TMEM132B: variants seen among roughly 807,000 people sequenced by gnomAD.
TMEM132B encodes transmembrane protein 132B.
TMEM132B carries 18 observed loss-of-function variants against 90.8 expected under a neutral mutation model. That is an observed-to-expected ratio of 0.20 (90% confidence interval 0.14 to 0.29). TMEM132B has a LOEUF of 0.29. Among genes scored for constraint, TMEM132B ranks in the 10% least tolerant of loss-of-function variants. The probability of loss-of-function intolerance (pLI) is 1.00; values close to 1 mark genes in which losing one functional copy is unlikely to be tolerated. For missense variants in TMEM132B, 1,096 were observed against 1,326.8 expected, an observed-to-expected ratio of 0.83 and a Z score of 2.70; for synonymous variants, 504 against 523.3, an observed-to-expected ratio of 0.96 and a Z score of 0.50.
intron 1 of TMEM132B, among the ~76,000 whole-genome samples, chr12:125,216,887 C>T (rs757910727): frequency 5.9e-5 from 9 of 152,216 alleles, no homozygotes; most frequent in South Asian, 2.1e-4. Context: ...CTCCATTATC[C>T]GCATGCCTCC....
intron 3 of TMEM132B, among the ~76,000 whole-genome samples, chr12:125,478,638 G>A (rs866235283): frequency 2.0e-5 from 3 of 152,170 alleles, no homozygotes; most frequent in Non-Finnish European, 2.9e-5. Flanking sequence ...CGTCTGATTC[G>A]TGTATCTGAA....
At chr12:125,470,304 C>T (rs545502456) in intron 3 of TMEM132B, among the ~76,000 whole-genome samples, 3 of 152,326 alleles carry the variant, frequency 2.0e-5, no homozygotes, top group East Asian at 1.9e-4. Flanking sequence ...TGGGCCTGGC[C>T]GTCTCTGGCC....
chr12:125,645,317 T>A (rs1410820597), intron 6 of TMEM132B, among the ~76,000 whole-genome samples: 1 of 151,882 alleles, frequency 6.6e-6, no homozygotes, highest in Non-Finnish European at 1.5e-5. Context: ...ATTTTACAGA[T>A]GTAACTACAA....
At position 125,349,439 on chromosome 12, in the gene TMEM132B, C is replaced by T; in HGVS notation, c.68-13C>T. 6.3e-7 allele frequency: 1 copy of T among 1,585,910 alleles called. No homozygotes were observed. The highest frequency in any genetic ancestry group is 8.6e-7 in the Non-Finnish European group (1 of 1,166,626). On this transcript the variant is annotated splice_polypyrimidine_tract_variant and intron_variant, in intron 1 of 8. Transcript: ENST00000682704. The surrounding 1 kb of genome is among the most constrained non-coding windows in gnomAD (Gnocchi z 4.1). ...AACACGGTTTTATTCTTTTGCTTTCCTTTCTTGTGCAGTGACAGAGAGTCG... is the reference window on the plus strand; with the variant it reads ...AACACGGTTTTATTCTTTTGCTTTCTTTTCTTGTGCAGTGACAGAGAGTCG...
chr12:125,612,203 C>T (rs185404947), intron 5 of TMEM132B, among the ~76,000 whole-genome samples: 95 of 152,142 alleles, frequency 6.2e-4, no homozygotes, highest in African/African-American at 2.2e-3. Flanking sequence ...AGGCCAGGCA[C>T]GGTGGCTCAC....
intron 3 of TMEM132B, among the ~76,000 whole-genome samples, chr12:125,487,520 G>A (rs1176150687): frequency 6.6e-6 from 1 of 152,164 alleles, no homozygotes; most frequent in Non-Finnish European, 1.5e-5. Flanking sequence ...TCTGTCCTAT[G>A]TCTATGTCAT....
chr12:125,425,678 G>T (rs1469892281), intron 3 of TMEM132B, among the ~76,000 whole-genome samples: 1 of 152,116 alleles, frequency 6.6e-6, no homozygotes, highest in Non-Finnish European at 1.5e-5. Flanking sequence ...TTTCCAGAAT[G>T]TCGTATAGTT....
intron 1 of TMEM132B, among the ~76,000 whole-genome samples, chr12:125,286,443 C>T (rs1875359203): frequency 1.3e-5 from 2 of 152,164 alleles, no homozygotes; most frequent in Admixed American, 6.5e-5. Flanking sequence ...ACTCTGGGTT[C>T]TTCAAGGATC....
intron 1 of TMEM132B, among the ~76,000 whole-genome samples, chr12:125,235,802 C>CTTTTTTT (rs61643412): frequency 3.7e-5 from 4 of 107,400 alleles, no homozygotes; most frequent in African/African-American, 1.1e-4. Context: ...CACTTCATTC[C>CTTTTTTT]TTTTTTTTTT....
At chr12:125,318,116 C>T (rs1017575553) in intron 1 of TMEM132B, among the ~76,000 whole-genome samples, 2 of 152,096 alleles carry the variant, frequency 1.3e-5, no homozygotes, top group African/African-American at 4.8e-5. Flanking sequence ...GAGTACAATG[C>T]TATTTATATA....
At chr12:125,543,911 C>A (rs779123711) in intron 4 of TMEM132B, among the ~76,000 whole-genome samples, 5 of 151,044 alleles carry the variant, frequency 3.3e-5, no homozygotes, top group African/African-American at 4.8e-5. Context: ...ATGTTCACTG[C>A]AGCACTATTT....
intron 1 of TMEM132B, among the ~76,000 whole-genome samples, chr12:125,218,780 T>TA (rs1565977438): frequency 1.3e-5 from 2 of 150,248 alleles, no homozygotes; most frequent in African/African-American, 4.9e-5. Flanking sequence ...TTTTTTTTTT[T>TA]TTTTTTTTTT....
At chr12:125,480,575 T>G (rs988688177) in intron 3 of TMEM132B, among the ~76,000 whole-genome samples, 3 of 152,190 alleles carry the variant, frequency 2.0e-5, no homozygotes, top group African/African-American at 7.2e-5. Flanking sequence ...GTTGAATTGC[T>G]GAATAGACCA....
rs1270079562 is a variant in TMEM132B at position 125,656,958 on chromosome 12, C to G, written c.*2248C>G. On this transcript the variant is annotated 3_prime_UTR_variant, in exon 9 of 9. Transcript: ENST00000682704. ...GGTCCTGCCCACTGGTAAAGTGAGACGTTGGGTAGGGGGTGTAACTGGGGA... is the reference window on the plus strand; with the variant it reads ...GGTCCTGCCCACTGGTAAAGTGAGAGGTTGGGTAGGGGGTGTAACTGGGGA... 20 of 152,160 alleles carry G rather than the reference C, an allele frequency of 1.3e-4. No individual in the cohort carries two copies. Among genetic ancestry groups the G allele is most frequent in the Admixed American group, 1.3e-3 (20 of 15,278 alleles). The allele number at this position is 152,160 out of a possible 1,614,324, so 9.4% of individuals were successfully genotyped here. A position where few individuals can be genotyped will look rare whatever the true frequency, so the allele number is the denominator to read the frequency against.
intron 6 of TMEM132B, among the ~76,000 whole-genome samples, chr12:125,647,682 G>A (rs1261647019): frequency 2.0e-5 from 3 of 152,120 alleles, no homozygotes; most frequent in Non-Finnish European, 4.4e-5. Context: ...CCTTTAAAGG[G>A]TGGCTAATGG....
chr12:125,387,095 C>A (rs1878858706), intron 2 of TMEM132B, among the ~76,000 whole-genome samples: 1 of 148,192 alleles, frequency 6.7e-6, no homozygotes, highest in Admixed American at 6.9e-5. Context: ...CTTGATTGAC[C>A]CAGACAGAAA....
At chr12:125,225,478 G>A (rs1180499680) in intron 1 of TMEM132B, among the ~76,000 whole-genome samples, 2 of 152,194 alleles carry the variant, frequency 1.3e-5, no homozygotes, top group African/African-American at 2.4e-5. Context: ...GCTAGAGGTG[G>A]GAAGTTCATT....
At chr12:125,425,465 T>C (rs417758) in intron 3 of TMEM132B, among the ~76,000 whole-genome samples, 148,452 of 152,258 alleles carry the variant, frequency 0.98, 72,487 homozygotes, top group East Asian at 1. Context: ...TACATTATTA[T>C]TAAAGTCCAC....
intron 5 of TMEM132B, among the ~76,000 whole-genome samples, chr12:125,597,278 T>TA (rs1297192049): frequency 2.0e-5 from 3 of 152,182 alleles, no homozygotes; most frequent in Non-Finnish European, 2.9e-5. Context: ...GAAAAATTGA[T>TA]AAAAAACCCA....
Sources: allele counts gnomAD v4.1 joint callset (sites outside exome capture counted in the v4.1 genomes callset), GRCh38; gene constraint gnomAD v4.1.1; non-coding constraint Gnocchi (gnomAD v3.1); transcripts MANE v1.5; gene names NCBI Gene and HGNC (gene_info 2026-07-23, HGNC 2026-07-21).